The following CTNNA2 variants were observed in gnomAD, a reference collection of about 807,000 sequenced individuals.
CTNNA2 encodes catenin alpha-2.
CTNNA2 carries 42 observed loss-of-function variants against 101.0 expected under a neutral mutation model. The ratio of observed to expected loss-of-function variants is 0.42; its 90% CI spans 0.32 to 0.54. The LOEUF (loss-of-function observed/expected upper bound fraction) is 0.54. CTNNA2 is among the 20% of genes least tolerant of loss of function. CTNNA2 has a pLI of 0.14. For synonymous variants in CTNNA2, 450 were observed against 456.4 expected (o/e 0.99, Z 0.18); for missense variants, 871 against 1,223.1 (o/e 0.71, Z 4.29).
chr2:80,547,684 C>T (rs4852581), intron 11 of CTNNA2, among the ~76,000 whole-genome samples: 68,093 of 138,170 alleles, frequency 0.49, 17,743 homozygotes, highest in African/African-American at 0.67. Context: ...TATATTGTCA[C>T]TTCTGCTTTT....
At chr2:79,678,849 T>G (rs2089815) in intron 2 of CTNNA2, among the ~76,000 whole-genome samples, 32,012 of 152,118 alleles carry the variant, frequency 0.21, 3,555 homozygotes, top group African/African-American at 0.28. Flanking sequence ...TTCTTGAAAA[T>G]ACTCACTTGC....
At chr2:79,231,509 A>C (rs1388212223) in intron 2 of CTNNA2, among the ~76,000 whole-genome samples, 3 of 152,192 alleles carry the variant, frequency 2.0e-5, no homozygotes, top group African/African-American at 7.2e-5. Context: ...TGTGTTTATC[A>C]GCAGTGTGAA....
chr2:79,587,585 T>G (rs1676578453), intron 1 of CTNNA2, among the ~76,000 whole-genome samples: 1 of 152,166 alleles, frequency 6.6e-6, no homozygotes, highest in African/African-American at 2.4e-5. Context: ...TGTCCACTCT[T>G]CTAGTCACTG....
At chr2:80,428,953 T>A (rs1681238616) in intron 9 of CTNNA2, among the ~76,000 whole-genome samples, 1 of 152,164 alleles carries the variant, frequency 6.6e-6, no homozygotes, top group African/African-American at 2.4e-5. Context: ...ATACAGCTAA[T>A]AATATTTGAA....
In CTNNA2 at chr2:80,416,597, A is replaced by G. The variant is rs1232254362; in HGVS notation, c.1138-2852A>G. The stretch of plus-strand genomic sequence containing the variant: ...ATACTTCCCCTATAATTAAAATTAC[A>G]TAAAATACTTAAAATATTTTGGTGT... On this transcript the variant is annotated intron_variant, in intron 8 of 18. Coordinates refer to ENST00000402739, the MANE Select transcript of CTNNA2 (RefSeq NM_001282597.3). Among the ~76,000 whole-genome samples the G allele has an allele frequency of 2.0e-5, 3 of 152,126 alleles. No homozygotes were observed. In the East Asian group the frequency reaches 5.8e-4, roughly 29 times the overall value.
At chr2:80,325,733 T>C (rs1377947848) in intron 7 of CTNNA2, among the ~76,000 whole-genome samples, 1 of 152,174 alleles carries the variant, frequency 6.6e-6, no homozygotes, top group Non-Finnish European at 1.5e-5. Flanking sequence ...AGAATTTAGC[T>C]TGAATATTCA....
At chr2:80,328,183 A>G (rs1670992322) in intron 7 of CTNNA2, 1 of 438,264 alleles carries the variant, frequency 2.3e-6, no homozygotes. Context: ...AATCCCAGCA[A>G]TCAGAGAGCA....
At chr2:79,200,476 T>C (rs1425821987) in intron 2 of CTNNA2, among the ~76,000 whole-genome samples, 9 of 152,060 alleles carry the variant, frequency 5.9e-5, no homozygotes, top group Non-Finnish European at 1.2e-4. Context: ...TTTACACTTT[T>C]GGGGTTCCAT....
At chr2:80,574,410 A>G in intron 13 of CTNNA2, 96 bp downstream of exon 13, 3 of 1,380,086 alleles carry the variant, frequency 2.2e-6, no homozygotes, top group Non-Finnish European at 2.9e-6. Flanking sequence ...GTAATTACTG[A>G]GTTTAACTTG....
chr2:80,208,090 A>C (rs74930382), intron 7 of CTNNA2, among the ~76,000 whole-genome samples: 6,415 of 152,286 alleles, frequency 0.042, 197 homozygotes, highest in Non-Finnish European at 0.066. Flanking sequence ...TTGCTTAAGC[A>C]AGACCAATCC....
At chr2:79,560,943 A>G (rs989582365) in intron 1 of CTNNA2, among the ~76,000 whole-genome samples, 1 of 151,954 alleles carries the variant, frequency 6.6e-6, no homozygotes, top group African/African-American at 2.4e-5. Context: ...AATATAATTA[A>G]CATACCATAA....
At chr2:79,873,093 A>G (rs1488572042) in intron 5 of CTNNA2, among the ~76,000 whole-genome samples, 1 of 152,234 alleles carries the variant, frequency 6.6e-6, no homozygotes, top group African/African-American at 2.4e-5. Context: ...CAACAACAAC[A>G]AAGCAGGAAC....
At chr2:79,300,578 C>T (rs1676085184) in intron 2 of CTNNA2, among the ~76,000 whole-genome samples, 1 of 152,110 alleles carries the variant, frequency 6.6e-6, no homozygotes. Context: ...ACATTCTCCA[C>T]CTCAATTGAT....
chr2:79,980,694 C>T (rs368897171), intron 7 of CTNNA2, among the ~76,000 whole-genome samples: 82 of 152,136 alleles, frequency 5.4e-4, no homozygotes, highest in South Asian at 2.5e-3. Context: ...TTGTCTTACA[C>T]GCATCATATG....
intron 17 of CTNNA2, among the ~76,000 whole-genome samples, chr2:80,609,377 A>T (rs1698275661): frequency 1.3e-5 from 2 of 151,752 alleles, no homozygotes; most frequent in African/African-American, 4.8e-5. Flanking sequence ...AAAAGAACTG[A>T]TCTGGCTTGC....
intron 3 of CTNNA2, among the ~76,000 whole-genome samples, chr2:79,832,731 C>T (rs1558563001): frequency 6.6e-6 from 1 of 152,122 alleles, no homozygotes; most frequent in South Asian, 2.1e-4. Flanking sequence ...TGCATGCATT[C>T]CTGAATCAAT....
chr2:80,245,015 C>T (rs977507293), intron 7 of CTNNA2, among the ~76,000 whole-genome samples: 1 of 151,960 alleles, frequency 6.6e-6, no homozygotes, highest in Admixed American at 6.6e-5. Context: ...CTAAAACAAA[C>T]AGAAAATTAT....
intron 3 of CTNNA2, among the ~76,000 whole-genome samples, chr2:79,777,931 G>A (rs1674114245): frequency 6.8e-6 from 1 of 146,248 alleles, no homozygotes; most frequent in African/African-American, 2.6e-5. Flanking sequence ...CCAGAGACAA[G>A]AATAAAAGGA....
intron 7 of CTNNA2, among the ~76,000 whole-genome samples, chr2:79,976,290 G>T (rs893761300): frequency 2.0e-5 from 3 of 152,146 alleles, no homozygotes; most frequent in African/African-American, 7.2e-5. Context: ...TCACTAAACT[G>T]TGGGGAGAAA....
Sources: allele counts gnomAD v4.1 joint callset (sites outside exome capture counted in the v4.1 genomes callset), GRCh38; gene constraint gnomAD v4.1.1; transcripts MANE v1.5; gene names NCBI Gene and HGNC (gene_info 2026-07-23, HGNC 2026-07-21).